The following CNKSR2 variants were observed in gnomAD, a reference collection of about 807,000 sequenced individuals.
CNKSR2 encodes the protein CNK homolog protein 2.
In CNKSR2, 14 loss-of-function variants were observed where a neutral mutation model predicts 84.4. That is an observed-to-expected ratio of 0.17 (90% CI 0.11 to 0.26). The LOEUF is 0.26. CNKSR2 is among the 10% of genes least tolerant of loss of function. CNKSR2 has a pLI of 1.00. For synonymous variants in CNKSR2, 275 were observed against 277.9 expected (o/e 0.99, Z 0.10); for missense variants, 485 against 771.2 (o/e 0.63, Z 4.40).
chrX:21,472,583 G>C (rs1381436737), intron 5 of CNKSR2, among the ~76,000 whole-genome samples: 1 of 111,585 alleles, frequency 9.0e-6, no homozygotes, highest in Non-Finnish European at 1.9e-5. Flanking sequence ...TTTATGTATG[G>C]TATATATTTT....
intron 3 of CNKSR2, among the ~76,000 whole-genome samples, chrX:21,439,590 T>C (rs1210185652): frequency 3.6e-5 from 4 of 109,977 alleles, no homozygotes; most frequent in African/African-American, 1.3e-4. Flanking sequence ...ATTAGCAAAA[T>C]TGAAAACAAT....
intron 11 of CNKSR2, among the ~76,000 whole-genome samples, chrX:21,549,942 G>A (rs1054315554): frequency 1.8e-5 from 2 of 111,996 alleles, no homozygotes; most frequent in African/African-American, 3.2e-5. Flanking sequence ...ACACTTAAAC[G>A]TAAGACCTAA....
At chrX:21,569,746 G>A (rs1318880706) in intron 13 of CNKSR2, among the ~76,000 whole-genome samples, 1 of 111,991 alleles carries the variant, frequency 8.9e-6, no homozygotes, top group Non-Finnish European at 1.9e-5. Flanking sequence ...AATAAGACTT[G>A]AAATTTGAAA....
chrX:21,623,570 C>A (rs1443769049), intron 20 of CNKSR2, among the ~76,000 whole-genome samples: 1 of 111,511 alleles, frequency 9.0e-6, no homozygotes, highest in African/African-American at 3.3e-5. Flanking sequence ...TCACACATAG[C>A]CAGTGATATA....
chrX:21,595,058 T>G lies in CNKSR2; in HGVS notation c.1904+11T>G, dbSNP rs1340379387. 10 of 1,154,074 alleles carry G rather than the reference T, an allele frequency of 8.7e-6. No individual in the cohort carries two copies. The African/African-American group carries it at 1.8e-4, about 21-fold the overall frequency. ...ATGCCGCAAAAAATAGTAAGTTGAT[T>G]TTATTTGGGAAGAGGGAACGATAGT... On this transcript the variant is annotated intron_variant, in intron 16 of 21. Coordinates refer to ENST00000379510, the MANE Select transcript of CNKSR2 (RefSeq NM_014927.5).
At chrX:21,608,910 T>C (rs1569271929) in intron 19 of CNKSR2, among the ~76,000 whole-genome samples, 161 bp from the exon 20 acceptor site, 1 of 111,870 alleles carries the variant, frequency 8.9e-6, no homozygotes, top group African/African-American at 3.3e-5. Flanking sequence ...AAATGTAAGC[T>C]GGGGCCTAAC....
intron 1 of CNKSR2, among the ~76,000 whole-genome samples, chrX:21,381,659 T>G (rs1368354911): frequency 8.9e-6 from 1 of 112,320 alleles, no homozygotes; most frequent in Admixed American, 9.4e-5. Flanking sequence ...ATAAGACTCT[T>G]GAAGGTTTGG....
intron 13 of CNKSR2, among the ~76,000 whole-genome samples, chrX:21,565,078 G>A (rs982528271): frequency 9.0e-6 from 1 of 111,373 alleles, no homozygotes; most frequent in African/African-American, 3.3e-5. Context: ...GAAGATGAGG[G>A]ACAGATGGCC....
chrX:21,516,720 C>A, intron 9 of CNKSR2, 89 bp downstream of exon 9: 1 of 820,489 alleles, frequency 1.2e-6, no homozygotes, highest in Non-Finnish European at 1.7e-6. Context: ...ATCTCAGCAG[C>A]ATATGGATTA....
At chrX:21,399,262 A>T (rs756858874) in intron 1 of CNKSR2, among the ~76,000 whole-genome samples, 1 of 111,600 alleles carries the variant, frequency 9.0e-6, no homozygotes, top group South Asian at 3.7e-4. Context: ...ATATGACTTC[A>T]ACATACTTAA....
chrX:21,405,196 A>G (rs1272551500), intron 1 of CNKSR2, among the ~76,000 whole-genome samples: 1 of 111,367 alleles, frequency 9.0e-6, no homozygotes, highest in Non-Finnish European at 1.9e-5. Flanking sequence ...AAATAATCTC[A>G]TTAGGATCTT....
At chrX:21,394,391 A>G (rs1183607994) in intron 1 of CNKSR2, among the ~76,000 whole-genome samples, 1 of 109,862 alleles carries the variant, frequency 9.1e-6, no homozygotes, top group African/African-American at 3.3e-5. Flanking sequence ...TGTTTTGGGA[A>G]CTCTTTCCCT....
intron 5 of CNKSR2, among the ~76,000 whole-genome samples, chrX:21,477,665 A>C (rs1207950165): frequency 9.0e-6 from 1 of 111,671 alleles, no homozygotes; most frequent in Non-Finnish European, 1.9e-5. Flanking sequence ...TGGAGGAGAA[A>C]GTAAAGGGCT....
At chrX:21,645,233 A>G (rs1405435990) in intron 20 of CNKSR2, 2 of 111,900 alleles carry the variant, frequency 1.8e-5, no homozygotes, top group African/African-American at 6.5e-5. Context: ...TCGGCACAGA[A>G]TACAAGTTAA....
At chrX:21,500,578 G>A (rs184323419) in intron 7 of CNKSR2, among the ~76,000 whole-genome samples, 3 of 110,628 alleles carry the variant, frequency 2.7e-5, no homozygotes, top group African/African-American at 9.8e-5. Flanking sequence ...ATATTAAAAT[G>A]CATATAATCA....
chrX:21,454,087 C>T (rs935117583), intron 4 of CNKSR2, among the ~76,000 whole-genome samples: 1 of 111,585 alleles, frequency 9.0e-6, no homozygotes, highest in African/African-American at 3.3e-5. Context: ...AACTTTAGTT[C>T]CTCTCATCCT....
At chrX:21,577,524 T>C (rs957161165) in intron 13 of CNKSR2, among the ~76,000 whole-genome samples, 1 of 111,327 alleles carries the variant, frequency 9.0e-6, no homozygotes, top group Non-Finnish European at 1.9e-5. Context: ...GTTGCTTTGA[T>C]CAGAGAGCGT....
intron 4 of CNKSR2, among the ~76,000 whole-genome samples, chrX:21,470,080 C>T (rs1043258358): frequency 2.7e-5 from 3 of 111,529 alleles, no homozygotes; most frequent in Non-Finnish European, 3.8e-5. Context: ...GAGGAAACTG[C>T]GCCATAGAAA....
chrX:21,454,415 A>G (rs764935357), intron 4 of CNKSR2, among the ~76,000 whole-genome samples: 56 of 112,387 alleles, frequency 5.0e-4, no homozygotes, highest in African/African-American at 1.7e-3. Context: ...CATGGTGCTT[A>G]TTAAATAATC....
Sources: allele counts gnomAD v4.1 joint callset (sites outside exome capture counted in the v4.1 genomes callset), GRCh38; gene constraint gnomAD v4.1.1; transcripts MANE v1.5; gene names NCBI Gene and HGNC (gene_info 2026-07-23, HGNC 2026-07-21).